The following REXO1 variants were observed in gnomAD, a reference collection of about 807,000 sequenced individuals.
REXO1 encodes RNA exonuclease 1 homolog.
In REXO1, 42 loss-of-function variants were observed where a neutral mutation model predicts 102.6. That is an observed-to-expected ratio of 0.41 (90% CI 0.32 to 0.53). The LOEUF is 0.53. Ranked by LOEUF, REXO1 falls within the 20% of genes least tolerant of loss-of-function variation. REXO1 has a pLI of 0.27. For synonymous variants in REXO1, 908 were observed against 779.1 expected, an observed-to-expected ratio of 1.17 and a Z score of -2.76; for missense variants, 1,819 against 1,732.5, an observed-to-expected ratio of 1.05 and a Z score of -0.89.
rs1238010318 is a variant in REXO1, at chr19:1,848,397, G to A, written c.-39C>T. ...GCGGGGCCCCGGCCCGGAGCCGCCC[G>A]GGCCCCAGGGCCCCCTCACTGGCGC... is the stretch of plus-strand genomic sequence containing the variant. On this transcript the variant is annotated 5_prime_UTR_variant, in exon 1 of 16. Coordinates refer to ENST00000170168, the MANE Select transcript of REXO1 (RefSeq NM_020695.4). 1.0e-5 allele frequency: 12 copies of A among 1,174,848 alleles called. No individual in the cohort carries two copies. The highest frequency in any genetic ancestry group is 1.6e-5 in the African/African-American group (1 of 61,576). The allele number at this position is 1,174,848 out of a possible 1,614,324, so 72.8% of individuals were successfully genotyped here.
Position 1,819,119 on chromosome 19 carries a change from C to A in REXO1, c.2663G>T (p.Arg888Leu). Residue 888 changes from arginine (R) to leucine (L), a missense_variant, in exon 8 of 16, where the codon CGC becomes CTC. Coordinates refer to ENST00000170168, the MANE Select transcript of REXO1 (RefSeq NM_020695.4). Reference protein sequence around the residue: ...AVPGLSKTSGRRVVSHEVVLG... With the variant: ...AVPGLSKTSGLRVVSHEVVLG... ...CACCACCTCGTGGGACACAACCCTG[C>A]GGCCACTGGTTTCTGGAAGGAAGGG... 1.1e-5 allele frequency: 18 copies of A among 1,574,532 alleles called. No individual in the cohort carries two copies. Among genetic ancestry groups the A allele is most frequent in the South Asian group, 2.3e-5 (2 of 86,914 alleles).
chr19:1,833,704 C>T (rs111465960), intron 1 of REXO1, among the ~76,000 whole-genome samples: 1,697 of 152,300 alleles, frequency 0.011, 7 homozygotes, highest in Middle Eastern at 0.02. Context: ...CCTGACCCAG[C>T]CGGCTGCAGA....
intron 1 of REXO1, among the ~76,000 whole-genome samples, chr19:1,834,104 T>C (rs1302013071): frequency 6.6e-6 from 1 of 152,054 alleles, no homozygotes; most frequent in Non-Finnish European, 1.5e-5. Flanking sequence ...TCCACCTCCT[T>C]GTCCTGGACC....
intron 15 of REXO1, 26 bp from the exon 16 acceptor site, chr19:1,816,180 C>T (rs763988557): frequency 1.0e-5 from 16 of 1,557,814 alleles, no homozygotes; most frequent in Middle Eastern, 1.7e-4. Flanking sequence ...GGTGAGCACC[C>T]GGCCCCTGCG....
At chr19:1,819,505 C>T (rs533117096) in intron 7 of REXO1, among the ~76,000 whole-genome samples, 6 of 152,304 alleles carry the variant, frequency 3.9e-5, no homozygotes, top group African/African-American at 9.6e-5. Context: ...AGGGCCCCTC[C>T]GAGTGCTAAT....
In REXO1 at chr19:1,815,811, G is replaced by A; in HGVS notation, c.*255C>T. ...GCCGGGTGGGGGCGGGCTCTGTCCTGGTCTCCATCAGCAGCAGTTTCTAGA... is the reference window on the plus strand; with the variant it reads ...GCCGGGTGGGGGCGGGCTCTGTCCTAGTCTCCATCAGCAGCAGTTTCTAGA... On this transcript the variant is annotated 3_prime_UTR_variant, in exon 16 of 16. Transcript: ENST00000170168. This position sits in a 1 kb window ranked among gnomAD's most constrained non-coding sequence, Gnocchi z 4.0. 6.7e-7 allele frequency: 1 copy of A among 1,499,268 alleles called. No individual in the cohort carries two copies. Among genetic ancestry groups the A allele is most frequent in the South Asian group, 1.3e-5 (1 of 79,526 alleles). 92.9% of individuals were successfully genotyped at this position (1,499,268 alleles called of 1,614,324 possible). A position where few individuals can be genotyped will look rare whatever the true frequency, so the allele number is the denominator to read the frequency against.
At position 1,828,111 on chromosome 19, in the gene REXO1, G is replaced by C. The variant is rs2069795821; in HGVS notation, c.678C>G (p.Ser226=). The change falls in exon 2 of 16, where the codon TCC becomes TCG. Residue 226 remains serine (S), a synonymous_variant. Transcript: ENST00000170168. ...VPSGKYVVDN[S]RPPTDLEYDP... ...CATACTCCAGGTCTGTGGGTGGCCTGGAGTTGTCCACCACGTACTTGCCAC... is the reference window on the plus strand; with the variant it reads ...CATACTCCAGGTCTGTGGGTGGCCTCGAGTTGTCCACCACGTACTTGCCAC... 1 of 1,612,902 alleles carries C rather than the reference G, an allele frequency of 6.2e-7. No homozygotes were observed. Among genetic ancestry groups the C allele is most frequent in the South Asian group, 1.1e-5 (1 of 91,022 alleles).
intron 7 of REXO1, among the ~76,000 whole-genome samples, chr19:1,819,441 T>C (rs561594377): frequency 1.4e-4 from 21 of 150,126 alleles, no homozygotes; most frequent in East Asian, 1.4e-3. Context: ...GGGGATCTAA[T>C]GGCTTTCGAG....
intron 1 of REXO1, among the ~76,000 whole-genome samples, chr19:1,833,277 T>G (rs1279112345): frequency 6.6e-6 from 1 of 152,206 alleles, no homozygotes; most frequent in East Asian, 1.9e-4. Context: ...TCCGTGTGTC[T>G]GTTTTGGACC....
In REXO1 at chr19:1,815,734, C is replaced by G. The variant is rs553928577; in HGVS notation, c.*332G>C. 2.1e-6 allele frequency: 3 copies of G among 1,399,642 alleles called. No homozygotes were observed. Among genetic ancestry groups the G allele is most frequent in the South Asian group, 2.9e-5 (2 of 67,976 alleles). 86.7% of individuals were successfully genotyped at this position (1,399,642 alleles called of 1,614,324 possible). On this transcript the variant is annotated 3_prime_UTR_variant, in exon 16 of 16. Transcript: ENST00000170168. This position sits in a 1 kb window ranked among gnomAD's most constrained non-coding sequence, Gnocchi z 4.0. ...CGACCCACGTGAGGAGCAGAGGTGCCGGCCACCACCCGGGAGGGAGGGCCT... is the reference window on the plus strand; with the variant it reads ...CGACCCACGTGAGGAGCAGAGGTGCGGGCCACCACCCGGGAGGGAGGGCCT...
intron 10 of REXO1, 73 bp from the exon 11 acceptor site, chr19:1,817,853 G>T: frequency 8.1e-7 from 1 of 1,242,046 alleles, no homozygotes; most frequent in Non-Finnish European, 1.2e-6. Context: ...CTGACCACCT[G>T]CATCTACCGA....
At chr19:1,839,950 C>G (rs1454987654) in intron 1 of REXO1, among the ~76,000 whole-genome samples, 1 of 152,232 alleles carries the variant, frequency 6.6e-6, no homozygotes, top group Non-Finnish European at 1.5e-5. Context: ...CTAGGGCCTG[C>G]TCCTGAGGCA....
chr19:1,839,112 T>C (rs2011189562), intron 1 of REXO1, among the ~76,000 whole-genome samples: 1 of 152,030 alleles, frequency 6.6e-6, no homozygotes, highest in Admixed American at 6.6e-5. Flanking sequence ...AAAAATTAGC[T>C]GGGCGTGGCG....
At position 1,827,385 on chromosome 19, in the gene REXO1, C is replaced by T. The variant is rs774263465; in HGVS notation, c.1404G>A (p.Ala468=). The T allele has an allele frequency of 3.6e-5, 55 of 1,535,668 alleles. No homozygotes were observed. In the Middle Eastern group the frequency reaches 5.5e-4, roughly 15 times the overall value. Residue 468 remains alanine, a synonymous_variant, in exon 2 of 16, where the codon GCG becomes GCA. Transcript: ENST00000170168. The part of the protein sequence containing the change: ...PSPTSGDSRP[A]AGRGPPRPLQ... ...GGGGGCGGGGTGGGCCTCTGCCGGC[C>T]GCCGGTCGGGAGTCCCCGCTTGTGG... is the stretch of plus-strand genomic sequence containing the variant.
chr19:1,832,786 T>G (rs1380301964), intron 1 of REXO1, among the ~76,000 whole-genome samples: 4 of 151,700 alleles, frequency 2.6e-5, no homozygotes, highest in Non-Finnish European at 5.9e-5. Flanking sequence ...CATGGGGGCG[T>G]GCACCTGTAA....
rs551752859 is a variant in REXO1 at position 1,829,238 on chromosome 19, C to T, written c.158-607G>A. ...CAGTTGATGGGCCACCCTGCAAAAT[C>T]CACAGGAAGATTTTTTTTTTTTGAG... On this transcript the variant is annotated intron_variant, in intron 1 of 15. Coordinates refer to ENST00000170168, the MANE Select transcript of REXO1 (RefSeq NM_020695.4). Among the ~76,000 whole-genome samples, 3 of 152,270 alleles carry T rather than the reference C, an allele frequency of 2.0e-5. No individual in the cohort carries two copies. In the South Asian group the frequency reaches 6.2e-4, roughly 32 times the overall value.
intron 1 of REXO1, among the ~76,000 whole-genome samples, chr19:1,844,758 T>C (rs1160773083): frequency 6.6e-6 from 1 of 152,236 alleles, no homozygotes; most frequent in Non-Finnish European, 1.5e-5. Flanking sequence ...CACACACGTC[T>C]GCCGCTCACT....
chr19:1,847,162 C>G (rs1190456664), intron 1 of REXO1, among the ~76,000 whole-genome samples: 1 of 152,224 alleles, frequency 6.6e-6, no homozygotes, highest in East Asian at 1.9e-4. Flanking sequence ...TTGCTTGCAT[C>G]TGTCCACCTG....
chr19:1,842,221 A>G (rs1351043776), intron 1 of REXO1, among the ~76,000 whole-genome samples: 4 of 151,958 alleles, frequency 2.6e-5, no homozygotes, highest in Non-Finnish European at 4.4e-5. Context: ...TGCAAAAAAA[A>G]AAAAAAAAAG....
Sources: gnomAD v4.1 joint callset for allele counts (sites outside exome capture counted in the v4.1 genomes callset) on GRCh38, gnomAD v4.1.1 for gene constraint, Gnocchi (gnomAD v3.1) non-coding constraint, MANE v1.5 for transcripts, NCBI Gene and HGNC (gene_info 2026-07-23, HGNC 2026-07-21) for gene names.